KHDRBS2: variants seen among roughly 807,000 people sequenced by gnomAD.
The protein encoded by KHDRBS2 is KH RNA binding domain containing, signal transduction associated 2.
In KHDRBS2, 26 loss-of-function variants were observed where a neutral mutation model predicts 44.3. The ratio of observed to expected loss-of-function variants is 0.59; its 90% confidence interval spans 0.43 to 0.81. KHDRBS2 has a LOEUF of 0.81. Among genes scored for constraint, KHDRBS2 ranks in the 40% least tolerant of loss-of-function variants. The probability of loss-of-function intolerance (pLI) is 0.00; values close to 1 mark genes in which losing one functional copy is unlikely to be tolerated. For synonymous variants in KHDRBS2, 194 were observed against 151.1 expected (o/e 1.28, Z -2.08); for missense variants, 476 against 433.1 (o/e 1.10, Z -0.88).
intron 1 of KHDRBS2, among the ~76,000 whole-genome samples, chr6:62,227,154 G>A (rs1585296778): frequency 6.6e-6 from 1 of 152,184 alleles, no homozygotes; most frequent in Non-Finnish European, 1.5e-5. Flanking sequence ...CTATCCATAA[G>A]GATGGAATGT....
At chr6:61,946,754 G>C (rs1369136344) in intron 4 of KHDRBS2, among the ~76,000 whole-genome samples, 2 of 152,154 alleles carry the variant, frequency 1.3e-5, no homozygotes. Flanking sequence ...ATGGAAGTTA[G>C]TCCTAAGGAG....
chr6:62,203,138 G>T (rs903940714), intron 1 of KHDRBS2, among the ~76,000 whole-genome samples: 3 of 152,114 alleles, frequency 2.0e-5, no homozygotes, highest in Non-Finnish European at 2.9e-5. Context: ...GAGGAGAGTG[G>T]AGAGGTATCC....
At chr6:61,839,377 A>G (rs1197617081) in intron 6 of KHDRBS2, among the ~76,000 whole-genome samples, 1 of 152,038 alleles carries the variant, frequency 6.6e-6, no homozygotes, top group East Asian at 1.9e-4. Flanking sequence ...GTAGCTAACC[A>G]GCAAGTAATA....
chr6:62,257,945 T>C (rs1194370293), intron 1 of KHDRBS2, among the ~76,000 whole-genome samples: 2 of 152,064 alleles, frequency 1.3e-5, no homozygotes, highest in African/African-American at 4.8e-5. Context: ...CATGTTTAAC[T>C]AGTTACCAAT....
chr6:61,554,699 T>C, the KHDRBS2 span, among the ~76,000 whole-genome samples: 2 of 152,190 alleles, frequency 1.3e-5, no homozygotes, highest in Admixed American at 1.3e-4. Context: ...GTAAGGCAAA[T>C]CTCGTGACAG....
At chr6:62,046,358 G>C (rs544769264) in intron 3 of KHDRBS2, among the ~76,000 whole-genome samples, 7 of 151,900 alleles carry the variant, frequency 4.6e-5, no homozygotes, top group African/African-American at 1.7e-4. Context: ...TGTAGATTCT[G>C]CATGTGCAAA....
At chr6:62,211,277 T>TTTAG (rs2308215) in intron 1 of KHDRBS2, among the ~76,000 whole-genome samples, 36,332 of 151,866 alleles carry the variant, frequency 0.24, 6,115 homozygotes, top group African/African-American at 0.48. Context: ...TTTGCCTAAA[T>TTTAG]TTAGTTTCCA....
chr6:62,242,149 C>G (rs949162731), intron 1 of KHDRBS2, among the ~76,000 whole-genome samples: 1 of 152,094 alleles, frequency 6.6e-6, no homozygotes, highest in Non-Finnish European at 1.5e-5. Flanking sequence ...AGAGAAAGAT[C>G]ACTAAGGGTA....
At chr6:61,737,049 A>C (rs1055189199) in intron 6 of KHDRBS2, among the ~76,000 whole-genome samples, 2 of 152,126 alleles carry the variant, frequency 1.3e-5, no homozygotes, top group African/African-American at 4.8e-5. Flanking sequence ...GCCAAAGGAG[A>C]CTACTCTTAT....
intron 4 of KHDRBS2, among the ~76,000 whole-genome samples, chr6:61,916,903 GA>G (rs1375889693): frequency 1.1e-4 from 16 of 149,668 alleles, no homozygotes; most frequent in African/African-American, 3.9e-4. Context: ...TTAGAATACG[GA>G]AAATCCAGAA....
the KHDRBS2 span, among the ~76,000 whole-genome samples, chr6:61,626,088 A>T: frequency 6.6e-6 from 1 of 152,172 alleles, no homozygotes; most frequent in Non-Finnish European, 1.5e-5. Flanking sequence ...AGTGTATTAT[A>T]ATTTGTCATA....
chr6:62,117,877 G>A (rs1459926889), intron 2 of KHDRBS2, among the ~76,000 whole-genome samples: 1 of 152,104 alleles, frequency 6.6e-6, no homozygotes, highest in African/African-American at 2.4e-5. Context: ...CTCGGTTTAA[G>A]TGATTTTCCT....
chr6:61,949,002 C>T (rs1259290259), intron 4 of KHDRBS2, among the ~76,000 whole-genome samples: 1 of 152,016 alleles, frequency 6.6e-6, no homozygotes, highest in African/African-American at 2.4e-5. Flanking sequence ...CAAGAAGAAA[C>T]TCGACTATTC....
chr6:61,605,479 G>T, the KHDRBS2 span, among the ~76,000 whole-genome samples: 184 of 152,152 alleles, frequency 1.2e-3, no homozygotes, highest in African/African-American at 4.2e-3. Flanking sequence ...CTCTCTAATT[G>T]GATGTCCTGG....
At chr6:61,969,261 G>T (rs1426399477) in intron 4 of KHDRBS2, among the ~76,000 whole-genome samples, 10 of 152,022 alleles carry the variant, frequency 6.6e-5, no homozygotes, top group Admixed American at 5.3e-4. Flanking sequence ...ACATTTTGGT[G>T]AGGACATCAT....
intron 2 of KHDRBS2, among the ~76,000 whole-genome samples, chr6:62,071,781 T>G (rs1795166676): frequency 6.6e-6 from 1 of 152,200 alleles, no homozygotes; most frequent in African/African-American, 2.4e-5. Flanking sequence ...GCGTGATGCC[T>G]CCAGCTTTGT....
chr6:61,612,707 G>A, the KHDRBS2 span, among the ~76,000 whole-genome samples: 5 of 152,062 alleles, frequency 3.3e-5, no homozygotes, highest in Non-Finnish European at 5.9e-5. Flanking sequence ...CAAGAATATT[G>A]AGAAAAGTTT....
chr6:61,692,519 G>A (rs1197647732), intron 8 of KHDRBS2, among the ~76,000 whole-genome samples: 7 of 151,868 alleles, frequency 4.6e-5, no homozygotes. Context: ...TAATTTAACT[G>A]TGATAAAACC....
At chr6:61,701,556 CTACTT>C (rs1175591000) in intron 7 of KHDRBS2, among the ~76,000 whole-genome samples, 1 of 151,938 alleles carries the variant, frequency 6.6e-6, no homozygotes, top group Non-Finnish European at 1.5e-5. Context: ...AGGGCATACT[CTACTT>C]TACTGGATTA....
Sources: gnomAD v4.1 joint callset for allele counts (sites outside exome capture counted in the v4.1 genomes callset) on GRCh38, gnomAD v4.1.1 for gene constraint, MANE v1.5 for transcripts, NCBI Gene and HGNC (gene_info 2026-07-23, HGNC 2026-07-21) for gene names.